The following LMTK2 variants were observed in gnomAD, a reference collection of about 807,000 sequenced individuals.
LMTK2 encodes lemur tail kinase 2.
LMTK2 carries 37 observed loss-of-function variants against 127.5 expected under a neutral mutation model. The observed-to-expected ratio is 0.29, with a 90% CI of 0.22 to 0.38. The LOEUF (loss-of-function observed/expected upper bound fraction) is 0.38, where lower values mean the gene tolerates loss of function less well. LMTK2 is among the 10% of genes least tolerant of loss of function. LMTK2 has a pLI of 1.00. For synonymous variants in LMTK2, 819 were observed against 810.1 expected (o/e 1.01, Z -0.19); for missense variants, 1,694 against 1,920.3 (o/e 0.88, Z 2.20).
At position 98,186,936 on chromosome 7, in the gene LMTK2, A is replaced by G; in HGVS notation, c.936A>G (p.Glu312=). Residue 312 remains glutamate, a synonymous_variant, in exon 9 of 14, where the codon GAA becomes GAG. Coordinates refer to ENST00000297293, the MANE Select transcript of LMTK2 (RefSeq NM_014916.4). ...KVFPLRWTAP[E]LVTSFQDRLL... ...TCCCTCTGCGATGGACTGCTCCAGA[A>G]TTAGTAACCAGCTTTCAAGACAGAC... The G allele has an allele frequency of 7.4e-6, 12 of 1,613,752 alleles. No homozygotes were observed. The highest frequency in any genetic ancestry group is 1.0e-5 in the Non-Finnish European group (12 of 1,179,610).
intron 7 of LMTK2, among the ~76,000 whole-genome samples, chr7:98,177,604 G>T (rs1387984872): frequency 6.6e-6 from 1 of 152,204 alleles, no homozygotes; most frequent in African/African-American, 2.4e-5. Flanking sequence ...CCAGGCTCAA[G>T]CAATCCTCTT....
chr7:98,157,856 G>A (rs567168515), intron 5 of LMTK2, among the ~76,000 whole-genome samples: 1 of 152,320 alleles, frequency 6.6e-6, no homozygotes, highest in Admixed American at 6.5e-5. Context: ...TCTTTGTGGT[G>A]ATGGGATAGT....
In LMTK2 at chr7:98,193,349, G is replaced by A. The variant is rs146882063; in HGVS notation, c.2884G>A (p.Ala962Thr). ...QLNSKDAAKE[A>T]GLVSALSSDS... ...CAATTCTAAAGACGCAGCAAAAGAAGCAGGCTTGGTGTCTGCCCTCTCCTC... is the reference window on the plus strand; with the variant it reads ...CAATTCTAAAGACGCAGCAAAAGAAACAGGCTTGGTGTCTGCCCTCTCCTC... The change falls in exon 11 of 14, where the codon GCA becomes ACA. Residue 962 changes from alanine (A) to threonine (T), a missense_variant. Transcript: ENST00000297293. This position sits in a 1 kb window ranked among gnomAD's most constrained non-coding sequence, Gnocchi z 4.1. 6.2e-6 allele frequency: 10 copies of A among 1,614,178 alleles called. No individual in the cohort carries two copies. The African/African-American group carries it at 1.1e-4, about 17-fold the overall frequency.
At chr7:98,203,809 C>T (rs1171549762) in intron 12 of LMTK2, 103 bp downstream of exon 12, 1 of 1,570,666 alleles carries the variant, frequency 6.4e-7, no homozygotes, top group Non-Finnish European at 8.7e-7. Context: ...CGCCCCCTGA[C>T]ATGGGCACAG....
chr7:98,190,500 T>G (rs749576605), intron 9 of LMTK2, among the ~76,000 whole-genome samples: 6 of 152,172 alleles, frequency 3.9e-5, no homozygotes, highest in Non-Finnish European at 7.3e-5. Context: ...GAGAATCACT[T>G]GAACCCGGGA....
Position 98,192,139 on chromosome 7 carries a change from A to T in LMTK2, c.1674A>T (p.Lys558Asn). 6.5e-7 allele frequency: 1 copy of T among 1,531,344 alleles called. No individual in the cohort carries two copies. The highest frequency in any genetic ancestry group is 8.8e-7 in the Non-Finnish European group (1 of 1,142,758). The allele number at this position is 1,531,344 out of a possible 1,614,324, so 94.9% of individuals were successfully genotyped here. The change falls in exon 11 of 14, where the codon AAA (lysine) becomes AAT (asparagine). Residue 558 changes from lysine (K) to asparagine (N), a missense_variant. Around this residue, in one of 8 missense-constraint regions of LMTK2, gnomAD observed 527 missense variants for 539.8 expected, o/e 0.98. Transcript: ENST00000297293. The part of the protein sequence containing the change: ...GSDYYIQLEE[K>N]SGSNLELDYP... The stretch of plus-strand genomic sequence containing the variant: ...ACTATTATATCCAGTTAGAAGAAAA[A>T]AGTGGTAGTAACTTGGAGCTTGATT...
At chr7:98,166,224 T>C (rs1299606664) in intron 6 of LMTK2, among the ~76,000 whole-genome samples, 1 of 152,186 alleles carries the variant, frequency 6.6e-6, no homozygotes. Flanking sequence ...TGCTGTCTTC[T>C]TTCTCCCCTG....
rs368326110 is a variant in LMTK2 at position 98,194,219 on chromosome 7, G to A, written c.3754G>A (p.Glu1252Lys). 30 of 1,613,962 alleles carry A rather than the reference G, an allele frequency of 1.9e-5. No homozygotes were observed. The highest frequency in any genetic ancestry group is 1.6e-4 in the Middle Eastern group (1 of 6,084). ...GGACAAGTCCCTGTCCAGCCACTCC[G>A]AGGGCCCGAAGTTGAAGGAGCCGGA... ...ALDKSLSSHSEGPKLKEPDIE... is the reference protein window; with the variant it reads ...ALDKSLSSHSKGPKLKEPDIE... Residue 1252 changes from glutamate (E) to lysine (K), a missense_variant, in exon 11 of 14, where the codon GAG (glutamate) becomes AAG (lysine). This residue lies in a region of LMTK2 where 554 missense variants were observed against 567.7 expected (regional missense o/e 0.98). Transcript: ENST00000297293. This position sits in a 1 kb window ranked among gnomAD's most constrained non-coding sequence, Gnocchi z 5.4.
intron 3 of LMTK2, among the ~76,000 whole-genome samples, chr7:98,146,431 A>C (rs979317090): frequency 5.3e-5 from 8 of 152,024 alleles, no homozygotes; most frequent in African/African-American, 1.9e-4. Context: ...AGTCAAGTGA[A>C]CCAGTGGGAG....
chr7:98,181,831 G>T (rs1436456386), intron 7 of LMTK2, among the ~76,000 whole-genome samples: 2 of 151,824 alleles, frequency 1.3e-5, no homozygotes, highest in Non-Finnish European at 1.5e-5. Flanking sequence ...GCTAATTTTT[G>T]TATTTTTAGT....
At chr7:98,172,712 G>A (rs914262005) in intron 7 of LMTK2, among the ~76,000 whole-genome samples, 4 of 152,132 alleles carry the variant, frequency 2.6e-5, no homozygotes, top group African/African-American at 9.7e-5. Flanking sequence ...AGGAACACCT[G>A]TGTGTCTTGA....
At chr7:98,153,562 G>A (rs1464082142) in intron 4 of LMTK2, among the ~76,000 whole-genome samples, 2 of 152,200 alleles carry the variant, frequency 1.3e-5, no homozygotes, top group African/African-American at 4.8e-5. Flanking sequence ...CAACCCTCTT[G>A]AAGAGTTTTA....
intron 1 of LMTK2, among the ~76,000 whole-genome samples, chr7:98,117,348 C>T (rs549243282): frequency 1.1e-4 from 16 of 152,262 alleles, no homozygotes; most frequent in African/African-American, 1.4e-4. Flanking sequence ...CTTGAACTCC[C>T]GGGCCCATGC....
At chr7:98,177,754 G>C (rs557793587) in intron 7 of LMTK2, among the ~76,000 whole-genome samples, 6 of 152,208 alleles carry the variant, frequency 3.9e-5, no homozygotes, top group Admixed American at 1.3e-4. Context: ...ATCCTAGCAG[G>C]TGCCTGAGAT....
At chr7:98,137,537 A>G (rs1398797208) in intron 2 of LMTK2, 95 bp downstream of exon 2, 1 of 1,266,688 alleles carries the variant, frequency 7.9e-7, no homozygotes, top group Non-Finnish European at 1.1e-6. Flanking sequence ...CAGGATCAGC[A>G]GATTTTTTTT....
At chr7:98,112,940 T>C (rs571323433) in intron 1 of LMTK2, among the ~76,000 whole-genome samples, 73 of 152,242 alleles carry the variant, frequency 4.8e-4, no homozygotes, top group African/African-American at 1.7e-3. Context: ...CACTGTAGCC[T>C]CAAACTCCCA....
intron 1 of LMTK2, among the ~76,000 whole-genome samples, chr7:98,109,525 C>G (rs1229212482): frequency 6.6e-6 from 1 of 151,996 alleles, no homozygotes; most frequent in Admixed American, 6.6e-5. Context: ...GGGTGGATTG[C>G]TTGAGGTCAG....
chr7:98,162,477 T>A (rs540731665), intron 6 of LMTK2, among the ~76,000 whole-genome samples: 12 of 152,352 alleles, frequency 7.9e-5, no homozygotes, highest in African/African-American at 2.9e-4. Context: ...TGATTGGCTC[T>A]TATACTTTGG....
rs781515116 is a variant in LMTK2 at position 98,194,494 on chromosome 7, C to T, written c.4029C>T (p.Asp1343=). 1 of 1,613,766 alleles carries T rather than the reference C, an allele frequency of 6.2e-7. No homozygotes were observed. Among genetic ancestry groups the T allele is most frequent in the Non-Finnish European group, 8.5e-7 (1 of 1,180,036 alleles). The change falls in exon 11 of 14, where the codon GAC becomes GAT. Residue 1343 remains aspartate (D), a synonymous_variant. Coordinates refer to ENST00000297293, the MANE Select transcript of LMTK2 (RefSeq NM_014916.4). This position sits in a 1 kb window ranked among gnomAD's most constrained non-coding sequence, Gnocchi z 5.4. ...AGCCCACAGCGGCCAATGCCCCCGACCCACTGCCCGAGGACTGGAAGAAGG... is the reference window on the plus strand; with the variant it reads ...AGCCCACAGCGGCCAATGCCCCCGATCCACTGCCCGAGGACTGGAAGAAGG... ...LLKPTAANAP[D]PLPEDWKKEK... is the part of the protein sequence containing the mutation.
Sources: gnomAD v4.1 joint callset for allele counts (sites outside exome capture counted in the v4.1 genomes callset) on GRCh38, gnomAD v4.1.1 for gene constraint, gnomAD v4.1.1 regional missense constraint, Gnocchi (gnomAD v3.1) non-coding constraint, MANE v1.5 for transcripts, NCBI Gene and HGNC (gene_info 2026-07-23, HGNC 2026-07-21) for gene names.